Variants in GALNT18 observed in about 807,000 individuals in gnomAD.
GALNT18 encodes the protein polypeptide N-acetylgalactosaminyltransferase 18, also known as GalNAc-transferase 18.
A neutral mutation model predicts 69.5 loss-of-function variants in GALNT18; 44 were observed. That is an observed-to-expected ratio of 0.63 (90% CI 0.50 to 0.81). GALNT18 has a LOEUF of 0.81. GALNT18 is among the 40% of genes least tolerant of loss of function. The pLI, the probability that GALNT18 is intolerant of heterozygous loss-of-function variation, is 0.00. For synonymous variants in GALNT18, 364 were observed against 318.2 expected (o/e 1.14, Z -1.53); for missense variants, 715 against 810.0 (o/e 0.88, Z 1.42).
chr11:11,400,849 G>C (rs1854445762), intron 3 of GALNT18, among the ~76,000 whole-genome samples: 1 of 151,890 alleles, frequency 6.6e-6, no homozygotes, highest in African/African-American at 2.4e-5. Flanking sequence ...TGTTCCATTT[G>C]CTGCCAATCT....
At chr11:11,477,927 A>G (rs1564969167) in intron 1 of GALNT18, among the ~76,000 whole-genome samples, 1 of 152,234 alleles carries the variant, frequency 6.6e-6, no homozygotes, top group African/African-American at 2.4e-5. Flanking sequence ...ATTTTGCCAG[A>G]AAGTCCTACA....
intron 1 of GALNT18, among the ~76,000 whole-genome samples, chr11:11,585,880 A>T (rs1163291821): frequency 6.6e-6 from 1 of 151,404 alleles, no homozygotes; most frequent in Non-Finnish European, 1.5e-5. Flanking sequence ...ACCCACACAC[A>T]AAAGAAGTCA....
rs1174475607 is a variant in GALNT18 at position 11,523,732 on chromosome 11, A to AT, written c.236-74797_236-74796insA. 1.5e-4 allele frequency among the ~76,000 whole-genome samples: 23 copies of AT among 151,252 alleles called. No homozygotes were observed. The highest frequency in any genetic ancestry group is 2.0e-4 in the Admixed American group (3 of 15,218). The stretch of plus-strand genomic sequence containing the variant: ...AGACTCCATCTCAAAAAAAAAAAAA[A>AT]ATATCGTACACCCTGCCTCCCTGGG... On this transcript the variant is annotated intron_variant, in intron 1 of 10. Transcript: ENST00000227756. This position sits in a 1 kb window ranked among gnomAD's most constrained non-coding sequence, Gnocchi z 4.3.
chr11:11,281,964 G>A (rs557824017), intron 10 of GALNT18, among the ~76,000 whole-genome samples: 5 of 152,190 alleles, frequency 3.3e-5, no homozygotes, highest in Admixed American at 6.5e-5. Flanking sequence ...GTGGGGCATC[G>A]CTGAGCAGAG....
chr11:11,538,257 C>T lies in GALNT18; in HGVS notation c.235+83102G>A, dbSNP rs1008706299. Among the ~76,000 whole-genome samples the T allele has an allele frequency of 6.6e-6, 1 of 152,190 alleles. No homozygotes were observed. Among genetic ancestry groups the T allele is most frequent in the Non-Finnish European group, 1.5e-5 (1 of 68,032 alleles). The stretch of plus-strand genomic sequence containing the variant: ...CTGAGCTCAAGGTCAGTGTTGCGAA[C>T]AGCCCGCCCTGCCACCACCATCCCC... On this transcript the variant is annotated intron_variant, in intron 1 of 10. Transcript: ENST00000227756. The surrounding 1 kb of genome is among the most constrained non-coding windows in gnomAD (Gnocchi z 5.2).
intron 6 of GALNT18, among the ~76,000 whole-genome samples, chr11:11,370,547 A>G (rs1406354479): frequency 3.9e-5 from 6 of 151,900 alleles, no homozygotes; most frequent in Non-Finnish European, 7.4e-5. Context: ...TTCAACTCCA[A>G]TGACACTTCA....
In GALNT18 at chr11:11,404,772, A is replaced by G. The variant is rs1368387332; in HGVS notation, c.596-25508T>C. ...CTTCCTCCCGGCTCCAGCCCCGCAC[A>G]GACCCTGACCATACCCTGGCGACTC... On this transcript the variant is annotated intron_variant, in intron 3 of 10. Coordinates refer to ENST00000227756, the MANE Select transcript of GALNT18 (RefSeq NM_198516.3). This position sits in a 1 kb window ranked among gnomAD's most constrained non-coding sequence, Gnocchi z 4.5. Among the ~76,000 whole-genome samples the G allele has an allele frequency of 6.6e-6, 1 of 152,114 alleles. No homozygotes were observed. The highest frequency in any genetic ancestry group is 1.5e-5 in the Non-Finnish European group (1 of 68,016).
Position 11,618,283 on chromosome 11 carries a change from G to T in GALNT18, c.235+3076C>A, listed in dbSNP as rs1389681696. On this transcript the variant is annotated intron_variant, in intron 1 of 10. Coordinates refer to ENST00000227756, the MANE Select transcript of GALNT18 (RefSeq NM_198516.3). This position sits in a 1 kb window ranked among gnomAD's most constrained non-coding sequence, Gnocchi z 6.1. Reference sequence around the variant, plus strand: ...AGCAAAACACCTTTTTTGGAGAGTGGTAACACTTTCATTAATAACCAACGT... The same window carrying T: ...AGCAAAACACCTTTTTTGGAGAGTGTTAACACTTTCATTAATAACCAACGT... 6.6e-6 allele frequency among the ~76,000 whole-genome samples: 1 copy of T among 152,150 alleles called. No individual in the cohort carries two copies. Among genetic ancestry groups the T allele is most frequent in the African/African-American group, 2.4e-5 (1 of 41,416 alleles).
At position 11,310,739 on chromosome 11, in the gene GALNT18, C is replaced by T. The variant is rs561719498; in HGVS notation, c.1512+16347G>A. ...CTCAAGGACTCCACCAAAGCTCTAC[C>T]CGGGCAGGGCTAATGCAGAGCAACA... On this transcript the variant is annotated intron_variant, in intron 9 of 10. Transcript: ENST00000227756. Among the ~76,000 whole-genome samples, 6 of 152,242 alleles carry T rather than the reference C, an allele frequency of 3.9e-5. No individual in the cohort carries two copies. In the East Asian group the frequency reaches 9.6e-4, roughly 24 times the overall value.
chr11:11,593,578 A>AT (rs915558292), intron 1 of GALNT18, among the ~76,000 whole-genome samples: 5 of 151,560 alleles, frequency 3.3e-5, no homozygotes, highest in Admixed American at 1.3e-4. Context: ...ACCACATCTA[A>AT]TTTTTTTTTC....
chr11:11,371,545 G>T (rs1343117180), intron 6 of GALNT18, among the ~76,000 whole-genome samples: 2 of 148,832 alleles, frequency 1.3e-5, no homozygotes, highest in Non-Finnish European at 3.0e-5. Flanking sequence ...GACACCAGTA[G>T]GCACAGGGTT....
rs370283848 is a variant in GALNT18 at position 11,332,674 on chromosome 11, G to A, written c.1416+20C>T. ...TTCTGTCTGTGTCTGAATGAAACCCGGAGGAGGCCAGCTCCTTACCACTCC... is the reference window on the plus strand; with the variant it reads ...TTCTGTCTGTGTCTGAATGAAACCCAGAGGAGGCCAGCTCCTTACCACTCC... On this transcript the variant is annotated intron_variant, in intron 8 of 10. Coordinates refer to ENST00000227756, the MANE Select transcript of GALNT18 (RefSeq NM_198516.3). The surrounding 1 kb of genome is among the most constrained non-coding windows in gnomAD (Gnocchi z 4.3). 193 of 1,612,904 alleles carry A rather than the reference G, an allele frequency of 1.2e-4. No individual in the cohort carries two copies. The highest frequency in any genetic ancestry group is 1.6e-4 in the Non-Finnish European group (183 of 1,179,160).
At chr11:11,317,789 A>G (rs932915647) in intron 9 of GALNT18, among the ~76,000 whole-genome samples, 3 of 152,226 alleles carry the variant, frequency 2.0e-5, no homozygotes, top group African/African-American at 7.2e-5. Flanking sequence ...TTCTTCAAGG[A>G]AAATGAAACT....
At chr11:11,578,330 C>CAAAAAAA (rs57579910) in intron 1 of GALNT18, among the ~76,000 whole-genome samples, 16 of 120,596 alleles carry the variant, frequency 1.3e-4, no homozygotes, top group Middle Eastern at 4.4e-3. Context: ...TAAAAAGAAC[C>CAAAAAAA]AAAAAAAAAA....
intron 6 of GALNT18, chr11:11,352,656 CTG>C: frequency 4.3e-6 from 7 of 1,614,196 alleles, no homozygotes; most frequent in Non-Finnish European, 5.9e-6. Flanking sequence ...CTTGACATCT[CTG>C]TGCATAATTC....
chr11:11,501,466 A>C (rs1328957515), intron 1 of GALNT18, among the ~76,000 whole-genome samples: 3 of 152,224 alleles, frequency 2.0e-5, no homozygotes, highest in Non-Finnish European at 2.9e-5. Flanking sequence ...TTAAGGCATC[A>C]GAGGTGATTC....
chr11:11,544,398 A>G (rs111358709), intron 1 of GALNT18, among the ~76,000 whole-genome samples: 1 of 152,214 alleles, frequency 6.6e-6, no homozygotes, highest in Non-Finnish European at 1.5e-5. Context: ...CACTATGCTA[A>G]GCATTTTGGG....
At position 11,541,070 on chromosome 11, in the gene GALNT18, T is replaced by C. The variant is rs1411176496; in HGVS notation, c.235+80289A>G. ...GTTAAAACAGGGGCAAACAATACAC[T>C]TCCCTGCATGTCCCACATCCACTTC... is the stretch of plus-strand genomic sequence containing the variant. On this transcript the variant is annotated intron_variant, in intron 1 of 10. Transcript: ENST00000227756. This position sits in a 1 kb window ranked among gnomAD's most constrained non-coding sequence, Gnocchi z 4.8. Among the ~76,000 whole-genome samples the C allele has an allele frequency of 6.6e-6, 1 of 152,124 alleles. No individual in the cohort carries two copies. Among genetic ancestry groups the C allele is most frequent in the Non-Finnish European group, 1.5e-5 (1 of 68,018 alleles).
Position 11,564,662 on chromosome 11 carries a change from T to C in GALNT18, c.235+56697A>G, listed in dbSNP as rs1227325956. 6.6e-6 allele frequency among the ~76,000 whole-genome samples: 1 copy of C among 152,188 alleles called. No homozygotes were observed. The highest frequency in any genetic ancestry group is 1.5e-5 in the Non-Finnish European group (1 of 68,032). On this transcript the variant is annotated intron_variant, in intron 1 of 10. Coordinates refer to ENST00000227756, the MANE Select transcript of GALNT18 (RefSeq NM_198516.3). This position sits in a 1 kb window ranked among gnomAD's most constrained non-coding sequence, Gnocchi z 4.3. ...ATGTTGGTTGGAATTTAATACCAACTTATCTATGAAAACCCTGCTAACCCA... is the reference window on the plus strand; with the variant it reads ...ATGTTGGTTGGAATTTAATACCAACCTATCTATGAAAACCCTGCTAACCCA...
Sources: allele counts gnomAD v4.1 joint callset (sites outside exome capture counted in the v4.1 genomes callset), GRCh38; gene constraint gnomAD v4.1.1; non-coding constraint Gnocchi (gnomAD v3.1); transcripts MANE v1.5; gene names NCBI Gene and HGNC (gene_info 2026-07-23, HGNC 2026-07-21).